SYNPO: variants seen among roughly 807,000 people sequenced by gnomAD.
SYNPO encodes synaptopodin.
A neutral mutation model predicts 49.5 loss-of-function variants in SYNPO; 19 were observed. The observed-to-expected ratio is 0.38, with a 90% CI of 0.27 to 0.56. SYNPO has a LOEUF of 0.56. Ranked by LOEUF, SYNPO falls within the 20% of genes least tolerant of loss-of-function variation. The pLI, the probability that SYNPO is intolerant of heterozygous loss-of-function variation, is 0.68. For synonymous variants in SYNPO, 536 were observed against 548.0 expected (o/e 0.98, Z 0.31); for missense variants, 1,131 against 1,248.3 (o/e 0.91, Z 1.42).
chr5:150,631,865 G>A (rs1757552573), intron 2 of SYNPO, among the ~76,000 whole-genome samples: 2 of 152,158 alleles, frequency 1.3e-5, no homozygotes, highest in Admixed American at 1.3e-4. Context: ...GGAGGCTGCG[G>A]TCACTCAAGC....
intron 1 of SYNPO, among the ~76,000 whole-genome samples, chr5:150,641,381 C>A (rs1258781613): frequency 6.6e-6 from 1 of 152,250 alleles, no homozygotes; most frequent in Non-Finnish European, 1.5e-5. Context: ...CCTGGACTAC[C>A]ACAATGGGCT....
At chr5:150,588,138 T>C in the SYNPO span, among the ~76,000 whole-genome samples, 1 of 152,216 alleles carries the variant, frequency 6.6e-6, no homozygotes, top group South Asian at 2.1e-4. Flanking sequence ...CCATAGAGGA[T>C]AGTCCAAAGG....
chr5:150,636,452 G>A (rs530107590), upstream of SYNPO, among the ~76,000 whole-genome samples: 4 of 152,346 alleles, frequency 2.6e-5, no homozygotes, highest in African/African-American at 9.6e-5. Context: ...ATGCACTGAG[G>A]CCCCAAGAGG....
At chr5:150,604,746 G>T (rs115805939) in intron 1 of SYNPO, among the ~76,000 whole-genome samples, 1 of 152,212 alleles carries the variant, frequency 6.6e-6, no homozygotes, top group Non-Finnish European at 1.5e-5. Flanking sequence ...CGGCACAGAA[G>T]CCCTGGCACA....
intron 1 of SYNPO, among the ~76,000 whole-genome samples, chr5:150,614,375 C>T (rs1243304619): frequency 3.3e-5 from 5 of 152,184 alleles, no homozygotes; most frequent in African/African-American, 7.2e-5. Flanking sequence ...GTGTCTTGGC[C>T]GGCCCTCAGA....
At chr5:150,597,764 G>T (rs1479364845), upstream of SYNPO, among the ~76,000 whole-genome samples, 1 of 152,088 alleles carries the variant, frequency 6.6e-6, no homozygotes, top group East Asian at 1.9e-4. Context: ...TCAGCCTCCT[G>T]AGTAGCTGGC....
At chr5:150,600,521 T>G (rs1756502617), upstream of SYNPO, among the ~76,000 whole-genome samples, 1 of 152,240 alleles carries the variant, frequency 6.6e-6, no homozygotes, top group South Asian at 2.1e-4. Context: ...TTTCTGAGCC[T>G]TGGCTCCCCA....
At chr5:150,651,185 T>C (rs565129641) in intron 2 of SYNPO, 1 of 1,017,266 alleles carries the variant, frequency 9.8e-7, no homozygotes, top group Non-Finnish European at 1.2e-6. Flanking sequence ...CCCCTAGCCA[T>C]GTATCCATTG....
intron 1 of SYNPO, among the ~76,000 whole-genome samples, chr5:150,641,870 G>A (rs749608860): frequency 1.3e-5 from 2 of 152,256 alleles, no homozygotes; most frequent in Non-Finnish European, 2.9e-5. Context: ...CAAGATGAGG[G>A]AGCAGAGGGC....
chr5:150,624,673 C>A (rs1266368487), intron 2 of SYNPO: 1 of 225,106 alleles, frequency 4.4e-6, no homozygotes, highest in Admixed American at 6.5e-5. Flanking sequence ...AGCAGGAGCA[C>A]GGCTCACCCG....
upstream of SYNPO, among the ~76,000 whole-genome samples, chr5:150,637,861 G>A (rs1053379072): frequency 7.2e-5 from 11 of 152,188 alleles, no homozygotes; most frequent in Admixed American, 7.2e-4. Flanking sequence ...AGGAGAGGTG[G>A]AGGCGGAGGG....
intron 2 of SYNPO, among the ~76,000 whole-genome samples, chr5:150,628,737 C>T (rs149658862): frequency 0.022 from 3,387 of 152,220 alleles, 111 homozygotes; most frequent in African/African-American, 0.076. Context: ...GGTGAAACCC[C>T]GTCTCTACTA....
At chr5:150,623,163 A>G (rs1214351996) in intron 2 of SYNPO, among the ~76,000 whole-genome samples, 1 of 152,122 alleles carries the variant, frequency 6.6e-6, no homozygotes, top group Non-Finnish European at 1.5e-5. Context: ...ACAAACACAC[A>G]TATTCCCTCT....
At chr5:150,613,814 G>A (rs1251995402) in intron 1 of SYNPO, among the ~76,000 whole-genome samples, 1 of 152,190 alleles carries the variant, frequency 6.6e-6, no homozygotes, top group African/African-American at 2.4e-5. Flanking sequence ...GGCAATGGAA[G>A]AGTCGAAACA....
At chr5:150,646,430 G>A (rs145608747) in intron 1 of SYNPO, among the ~76,000 whole-genome samples, 2,096 of 152,258 alleles carry the variant, frequency 0.014, 53 homozygotes, top group African/African-American at 0.048. Context: ...AAATATTAGT[G>A]GCGTCTCTTT....
upstream of SYNPO, among the ~76,000 whole-genome samples, chr5:150,636,516 C>G (rs764521204): frequency 5.9e-5 from 9 of 152,192 alleles, no homozygotes; most frequent in Non-Finnish European, 1.0e-4. Context: ...GACCCTGGAA[C>G]CAAATCTCCT....
chr5:150,652,186 G>A (rs1230428255), intron 2 of SYNPO: 1 of 1,001,242 alleles, frequency 1.0e-6, no homozygotes, highest in African/African-American at 1.7e-5. Context: ...TCCCAGAACA[G>A]AGTGAAGCCC....
intron 2 of SYNPO, chr5:150,650,793 C>G: frequency 3.9e-6 from 5 of 1,290,376 alleles, no homozygotes; most frequent in Non-Finnish European, 4.9e-6. Flanking sequence ...GGGGGCCTCC[C>G]TCCTGAGGCT....
At position 150,657,443 on chromosome 5, in the gene SYNPO, CA is replaced by C. The variant is rs2151437009; in HGVS notation, c.*357del. On this transcript the variant is annotated 3_prime_UTR_variant, in exon 3 of 3. Transcript: ENST00000307662. ...TCTCTCTCTCTCTCTCACACACACA[CA>C]CACACACACACACACACACACACAC... 5.0e-6 allele frequency: 1 copy of C among 201,126 alleles called. No homozygotes were observed. Among genetic ancestry groups the C allele is most frequent in the Non-Finnish European group, 9.4e-6 (1 of 105,988 alleles). 12.5% of individuals were successfully genotyped at this position (201,126 alleles called of 1,614,324 possible). A position where few individuals can be genotyped will look rare whatever the true frequency, so the allele number is the denominator to read the frequency against.
Sources: allele counts gnomAD v4.1 joint callset (sites outside exome capture counted in the v4.1 genomes callset), GRCh38; gene constraint gnomAD v4.1.1; transcripts MANE v1.5; gene names NCBI Gene and HGNC (gene_info 2026-07-23, HGNC 2026-07-21).